PITPNB: variants seen among roughly 807,000 people sequenced by gnomAD.
PITPNB encodes the protein phosphatidylinositol transfer protein beta.
In PITPNB, 16 loss-of-function variants were observed where a neutral mutation model predicts 45.9. The ratio of observed to expected loss-of-function variants is 0.35; its 90% CI spans 0.24 to 0.53. The LOEUF is 0.53. Among genes scored for constraint, PITPNB ranks in the 20% least tolerant of loss-of-function variants. PITPNB has a pLI of 0.93. For missense variants in PITPNB, 188 were observed against 330.5 expected (o/e 0.57, Z 3.34); for synonymous variants, 112 against 108.9 (o/e 1.03, Z -0.18).
intron 2 of PITPNB, among the ~76,000 whole-genome samples, chr22:27,912,915 G>A (rs549947059): frequency 9.3e-5 from 14 of 149,974 alleles, no homozygotes; most frequent in East Asian, 3.9e-4. Context: ...CCCAGGAGGC[G>A]GAGGTTGCAG....
At position 27,853,274 on chromosome 22, in the gene PITPNB, T is replaced by C. The variant is rs909987182; in HGVS notation, c.*428A>G. The C allele has an allele frequency of 4.1e-6, 1 of 243,300 alleles. No homozygotes were observed. Among genetic ancestry groups the C allele is most frequent in the Non-Finnish European group, 7.9e-6 (1 of 127,064 alleles). The allele number at this position is 243,300 out of a possible 1,614,324, so 15.1% of individuals were successfully genotyped here. ...ATTTATGAAACATACCAGCTAGTAT[T>C]ACATTGCAGTCAATTTGTCCATTAA... On this transcript the variant is annotated 3_prime_UTR_variant, in exon 12 of 12. Coordinates refer to ENST00000335272, the MANE Select transcript of PITPNB (RefSeq NM_012399.5).
At chr22:27,909,984 C>T (rs1244530362) in intron 3 of PITPNB, among the ~76,000 whole-genome samples, 1 of 149,502 alleles carries the variant, frequency 6.7e-6, no homozygotes, top group Non-Finnish European at 1.5e-5. Flanking sequence ...CGGAGTCTCG[C>T]TCTGTCACCA....
intron 1 of PITPNB, among the ~76,000 whole-genome samples, chr22:27,918,940 A>G (rs1037241756): frequency 1.3e-5 from 2 of 150,638 alleles, no homozygotes; most frequent in Non-Finnish European, 3.0e-5. Flanking sequence ...GCCGGGACCC[A>G]GCCGCCTTCG....
At chr22:27,909,207 CTTT>C (rs34224616) in intron 3 of PITPNB, among the ~76,000 whole-genome samples, 25 of 82,244 alleles carry the variant, frequency 3.0e-4, no homozygotes, top group Admixed American at 2.1e-3. Flanking sequence ...ACTGGTAGTA[CTTT>C]TTTTTTTTTT....
At chr22:27,883,139 G>A (rs952930613) in intron 7 of PITPNB, among the ~76,000 whole-genome samples, 4 of 152,156 alleles carry the variant, frequency 2.6e-5, no homozygotes, top group African/African-American at 7.2e-5. Flanking sequence ...AGGGGACTAG[G>A]GAAGAGGGAT....
intron 7 of PITPNB, among the ~76,000 whole-genome samples, chr22:27,874,894 T>C (rs1052426412): frequency 5.9e-5 from 9 of 152,158 alleles, no homozygotes; most frequent in African/African-American, 2.2e-4. Context: ...ATATGAAACC[T>C]TAACTAAAAA....
At chr22:27,870,690 C>A (rs1934632273) in intron 8 of PITPNB, among the ~76,000 whole-genome samples, 1 of 152,154 alleles carries the variant, frequency 6.6e-6, no homozygotes, top group Admixed American at 6.5e-5. Flanking sequence ...CCAGTGCTAC[C>A]CTCAGTGCCT....
intron 8 of PITPNB, 59 bp from the exon 9 acceptor site, chr22:27,860,300 A>C (rs1375228836): frequency 9.7e-7 from 1 of 1,033,672 alleles, no homozygotes; most frequent in Non-Finnish European, 1.5e-6. Flanking sequence ...TTTTCATTAA[A>C]ATTGACTGTT....
intron 7 of PITPNB, among the ~76,000 whole-genome samples, chr22:27,886,524 A>T (rs1425615300): frequency 6.6e-6 from 1 of 152,228 alleles, no homozygotes; most frequent in African/African-American, 2.4e-5. Flanking sequence ...GTATTCAGTT[A>T]TGCCATGAGT....
intron 8 of PITPNB, among the ~76,000 whole-genome samples, chr22:27,862,602 C>T (rs1214576747): frequency 1.3e-5 from 2 of 152,092 alleles, no homozygotes; most frequent in African/African-American, 4.8e-5. Flanking sequence ...TTTTCCATGA[C>T]GTTTCCCCCT....
intron 3 of PITPNB, among the ~76,000 whole-genome samples, chr22:27,909,757 T>C (rs1935865189): frequency 6.6e-6 from 1 of 152,136 alleles, no homozygotes; most frequent in African/African-American, 2.4e-5. Flanking sequence ...ACCTAAGGCA[T>C]ATAGACACAT....
At chr22:27,903,830 AG>A (rs1935682810) in intron 3 of PITPNB, among the ~76,000 whole-genome samples, 1 of 152,006 alleles carries the variant, frequency 6.6e-6, no homozygotes, top group Non-Finnish European at 1.5e-5. Context: ...AGATTTGAAC[AG>A]ATATTTCTTC....
intron 3 of PITPNB, among the ~76,000 whole-genome samples, chr22:27,903,554 T>C (rs1202234905): frequency 1.3e-5 from 2 of 148,482 alleles, no homozygotes; most frequent in South Asian, 2.1e-4. Context: ...AGCAGGAGGA[T>C]AGCTTAAGCA....
rs1396670151 is a variant in PITPNB, at chr22:27,914,322, G to C, written c.46C>G (p.Gln16Glu). 7 of 1,593,518 alleles carry C rather than the reference G, an allele frequency of 4.4e-6. No individual in the cohort carries two copies. The highest frequency in any genetic ancestry group is 6.0e-6 in the Non-Finnish European group (7 of 1,162,420). Reference sequence around the variant, plus strand: ...CAGAAGCAAGAAAAACTCACCTCCTGAACAGAACATGGCAAAACCACACGG... The same window carrying C: ...CAGAAGCAAGAAAAACTCACCTCCTCAACAGAACATGGCAAAACCACACGG... ...EFRVVLPCSV[Q>E]EYQVGQLYSV... is the part of the protein sequence containing the mutation. The change falls in exon 2 of 12, where the codon CAG becomes GAG. Residue 16 changes from glutamine to glutamate, a missense_variant. Coordinates refer to ENST00000335272, the MANE Select transcript of PITPNB (RefSeq NM_012399.5).
chr22:27,889,105 A>G (rs1935202276), intron 7 of PITPNB, among the ~76,000 whole-genome samples: 1 of 152,222 alleles, frequency 6.6e-6, no homozygotes. Context: ...AGCAAGCACA[A>G]CTGCGCTGGG....
At chr22:27,899,698 A>G (rs1294941522) in intron 3 of PITPNB, among the ~76,000 whole-genome samples, 1 of 152,232 alleles carries the variant, frequency 6.6e-6, no homozygotes, top group Non-Finnish European at 1.5e-5. Context: ...TGAAAATAAC[A>G]TCACTTTAAA....
chr22:27,898,847 C>T (rs1156600110), intron 3 of PITPNB, among the ~76,000 whole-genome samples: 1 of 152,104 alleles, frequency 6.6e-6, no homozygotes, highest in African/African-American at 2.4e-5. Flanking sequence ...TATAAAGGGG[C>T]AAAAGTCATC....
rs1298107285 is a variant in PITPNB, at chr22:27,894,623, G to C, written c.388C>G (p.Pro130Ala). 3 of 1,597,378 alleles carry C rather than the reference G, an allele frequency of 1.9e-6. No individual in the cohort carries two copies. The South Asian group carries it at 3.3e-5, about 18-fold the overall frequency. The stretch of plus-strand genomic sequence containing the variant: ...ATTTCAACAGTTTTCCATGTGTTTG[G>C]ATCTAAACCATGTACCTACCAATGA... The part of the protein sequence containing the change: ...GTLENVHGLD[P>A]NTWKTVEIVH... The change falls in exon 7 of 12, where the codon CCA (proline) becomes GCA (alanine). Residue 130 changes from proline (P) to alanine (A), a missense_variant. Transcript: ENST00000335272.
chr22:27,879,704 C>T (rs963530593), intron 7 of PITPNB, among the ~76,000 whole-genome samples: 1 of 151,986 alleles, frequency 6.6e-6, no homozygotes, highest in Non-Finnish European at 1.5e-5. Flanking sequence ...ACTGCATATA[C>T]CTGAAATGTA....
Sources: gnomAD v4.1 joint callset for allele counts (sites outside exome capture counted in the v4.1 genomes callset) on GRCh38, gnomAD v4.1.1 for gene constraint, MANE v1.5 for transcripts, NCBI Gene and HGNC (gene_info 2026-07-23, HGNC 2026-07-21) for gene names.